The following PCDH15 variants were observed in gnomAD, a reference collection of about 807,000 sequenced individuals.
PCDH15 encodes the protein protocadherin-15.
Under a neutral mutation model 178.5 loss-of-function variants are expected in PCDH15, and 129 were observed. That is an observed-to-expected ratio of 0.72 (90% CI 0.63 to 0.84). The LOEUF is 0.84. Ranked by LOEUF, PCDH15 falls within the 40% of genes least tolerant of loss-of-function variation. The probability of loss-of-function intolerance (pLI) is 0.00; values close to 1 mark genes in which losing one functional copy is unlikely to be tolerated. For synonymous variants in PCDH15, 800 were observed against 732.0 expected (o/e 1.09, Z -1.50); for missense variants, 2,230 against 2,099.9 (o/e 1.06, Z -1.21).
intron 2 of PCDH15, among the ~76,000 whole-genome samples, chr10:54,947,628 T>C (rs1838227257): frequency 6.6e-6 from 1 of 152,050 alleles, no homozygotes; most frequent in African/African-American, 2.4e-5. Flanking sequence ...TGTGTGTGTA[T>C]GTGTTTGTAT....
chr10:54,085,863 T>C (rs953581067), intron 16 of PCDH15, among the ~76,000 whole-genome samples: 2 of 152,172 alleles, frequency 1.3e-5, no homozygotes, highest in Admixed American at 1.3e-4. Flanking sequence ...AGGAAAGTAA[T>C]GGTATTATAA....
chr10:54,028,883 A>G (rs1362852285), intron 18 of PCDH15, among the ~76,000 whole-genome samples: 1 of 151,202 alleles, frequency 6.6e-6, no homozygotes, highest in Non-Finnish European at 1.5e-5. Context: ...GCACATGTAT[A>G]CATATGTAAC....
intron 2 of PCDH15, among the ~76,000 whole-genome samples, chr10:54,941,983 G>T (rs922015155): frequency 2.6e-5 from 4 of 151,970 alleles, no homozygotes; most frequent in African/African-American, 9.7e-5. Context: ...ACACCCAGTT[G>T]TTACCCTCTA....
intron 2 of PCDH15, among the ~76,000 whole-genome samples, chr10:55,157,280 G>A (rs9733596): frequency 0.94 from 141,085 of 150,058 alleles, 66,607 homozygotes; most frequent in East Asian, 1. Flanking sequence ...AGTTAGAATG[G>A]TGATCATTAA....
intron 2 of PCDH15, among the ~76,000 whole-genome samples, chr10:55,092,032 C>T (rs1195408293): frequency 1.3e-5 from 2 of 151,750 alleles, no homozygotes; most frequent in Non-Finnish European, 2.9e-5. Flanking sequence ...CCATTTTTCA[C>T]AGAAATCTAT....
At chr10:54,896,913 A>G (rs999834266) in intron 3 of PCDH15, among the ~76,000 whole-genome samples, 2 of 152,214 alleles carry the variant, frequency 1.3e-5, no homozygotes, top group African/African-American at 4.8e-5. Flanking sequence ...TGTGACTCCA[A>G]TAAGCAATTA....
At chr10:54,588,498 G>A (rs1023654514) in intron 2 of PCDH15, among the ~76,000 whole-genome samples, 1 of 152,106 alleles carries the variant, frequency 6.6e-6, no homozygotes, top group African/African-American at 2.4e-5. Flanking sequence ...TAACCAACAG[G>A]TTTAAAGCTG....
chr10:55,604,461 C>T (rs551548136), intron 2 of PCDH15, among the ~76,000 whole-genome samples: 1 of 151,080 alleles, frequency 6.6e-6, no homozygotes, highest in African/African-American at 2.4e-5. Flanking sequence ...AGCACCACAC[C>T]ACACCTATTC....
chr10:54,456,019 C>T lies in PCDH15; in HGVS notation c.157+71793G>A, dbSNP rs1322250347. Reference sequence around the variant, plus strand: ...AGATTTCAGAGGATGTATGGAAATGCCTGGATACCCAGGCACAAGTTTGCT... The same window carrying T: ...AGATTTCAGAGGATGTATGGAAATGTCTGGATACCCAGGCACAAGTTTGCT... On this transcript the variant is annotated intron_variant, in intron 3 of 37. Transcript: ENST00000644397. Among the ~76,000 whole-genome samples the T allele has an allele frequency of 2.6e-5, 4 of 152,260 alleles. 1 individual carries two copies. Among genetic ancestry groups the T allele is most frequent in the South Asian group, 4.1e-4 (2 of 4,828 alleles).
chr10:55,452,930 A>G (rs1839467865), intron 2 of PCDH15, among the ~76,000 whole-genome samples: 1 of 152,194 alleles, frequency 6.6e-6, no homozygotes, highest in South Asian at 2.1e-4. Flanking sequence ...ATTTACCTAG[A>G]AGAGGCCTTG....
chr10:54,848,952 T>A (rs1953561667), intron 3 of PCDH15, among the ~76,000 whole-genome samples: 1 of 152,206 alleles, frequency 6.6e-6, no homozygotes, highest in Admixed American at 6.5e-5. Flanking sequence ...AAATGCTATA[T>A]AAAATTATTT....
At chr10:55,145,880 T>C (rs1838495130) in intron 2 of PCDH15, among the ~76,000 whole-genome samples, 1 of 151,984 alleles carries the variant, frequency 6.6e-6, no homozygotes, top group Non-Finnish European at 1.5e-5. Flanking sequence ...AACTCTTGAC[T>C]GTAAGTCACC....
chr10:54,676,375 G>T (rs1187113110), intron 1 of PCDH15, among the ~76,000 whole-genome samples: 1 of 151,834 alleles, frequency 6.6e-6, no homozygotes, highest in Admixed American at 6.6e-5. Context: ...TATTGGCAAA[G>T]CCCTCTCTAT....
intron 8 of PCDH15, among the ~76,000 whole-genome samples, chr10:54,273,972 C>G (rs112776133): frequency 6.6e-6 from 1 of 152,134 alleles, no homozygotes; most frequent in African/African-American, 2.4e-5. Context: ...AGAACAAGAT[C>G]TTGTTCTTTG....
At chr10:54,938,137 C>T (rs1048534711) in intron 2 of PCDH15, among the ~76,000 whole-genome samples, 3 of 151,946 alleles carry the variant, frequency 2.0e-5, no homozygotes, top group African/African-American at 7.2e-5. Context: ...GTTAAACTAT[C>T]ATTAGATTTC....
At chr10:54,128,331 G>C (rs2042149698) in intron 15 of PCDH15, among the ~76,000 whole-genome samples, 1 of 152,104 alleles carries the variant, frequency 6.6e-6, no homozygotes, top group Non-Finnish European at 1.5e-5. Context: ...CACAAACTCT[G>C]AGATTTACGG....
intron 32 of PCDH15, chr10:53,823,169 C>T (rs1469870284): frequency 1.9e-6 from 3 of 1,613,934 alleles, no homozygotes; most frequent in Admixed American, 3.3e-5. Context: ...TTAAGTCATC[C>T]TCATCAGATA....
chr10:55,293,997 C>A (rs1436088843), intron 1 of PCDH15, among the ~76,000 whole-genome samples: 2 of 152,074 alleles, frequency 1.3e-5, no homozygotes, highest in African/African-American at 2.4e-5. Flanking sequence ...ATAAGACATG[C>A]TCAAGACTGG....
intron 10 of PCDH15, among the ~76,000 whole-genome samples, chr10:54,206,579 C>T (rs1406806113): frequency 5.9e-5 from 9 of 152,040 alleles, no homozygotes; most frequent in Non-Finnish European, 1.2e-4. Context: ...ACTAAAGTAC[C>T]TTCTATGAAT....
Sources: allele counts gnomAD v4.1 joint callset (sites outside exome capture counted in the v4.1 genomes callset), GRCh38; gene constraint gnomAD v4.1.1; transcripts MANE v1.5; gene names NCBI Gene and HGNC (gene_info 2026-07-23, HGNC 2026-07-21).